The following ALDH3B1 variants were observed in gnomAD, a reference collection of about 807,000 sequenced individuals.
ALDH3B1 encodes aldehyde dehydrogenase 3 family member B1.
ALDH3B1 carries 37 observed loss-of-function variants against 46.2 expected under a neutral mutation model. The observed-to-expected ratio is 0.80, with a 90% CI of 0.62 to 1.05. ALDH3B1 has a LOEUF of 1.05. ALDH3B1 is among the 50% of genes least tolerant of loss of function. ALDH3B1 has a pLI of 0.00. For missense variants in ALDH3B1, 603 were observed against 665.5 expected (o/e 0.91, Z 1.03); for synonymous variants, 283 against 281.0 (o/e 1.01, Z -0.07).
At chr11:68,017,655 C>T (rs1157476511) in intron 2 of ALDH3B1, 1 of 152,204 alleles carries the variant, frequency 6.6e-6, no homozygotes, top group Non-Finnish European at 1.5e-5. Context: ...TTCGGGTCTC[C>T]TCACTCCTGC....
chr11:68,019,956 G>A (rs181770776), intron 6 of ALDH3B1, among the ~76,000 whole-genome samples, 160 bp downstream of exon 6: 18 of 152,214 alleles, frequency 1.2e-4, no homozygotes, highest in Non-Finnish European at 2.1e-4. Context: ...GACCCCTTAG[G>A]AAGGGATGGA....
rs1854667367 is a variant in ALDH3B1, at chr11:68,028,881, A to C, written c.*942A>C. 1 of 152,218 alleles carries C rather than the reference A, an allele frequency of 6.6e-6. No individual in the cohort carries two copies. Among genetic ancestry groups the C allele is most frequent in the African/African-American group, 2.4e-5 (1 of 41,426 alleles). 9.4% of individuals were successfully genotyped at this position (152,218 alleles called of 1,614,324 possible). A position where few individuals can be genotyped will look rare whatever the true frequency, so the allele number is the denominator to read the frequency against. The stretch of plus-strand genomic sequence containing the variant: ...CTCCCTTCCCTCCAGCCCATGCCAG[A>C]GGAGCTTGTAACTCTTTATCCTCAT... On this transcript the variant is annotated 3_prime_UTR_variant, in exon 10 of 10. Transcript: ENST00000342456.
chr11:68,021,392 A>G (rs990469243), intron 6 of ALDH3B1, 93 bp from the exon 7 acceptor site: 2 of 1,520,272 alleles, frequency 1.3e-6, no homozygotes, highest in Non-Finnish European at 1.8e-6. Flanking sequence ...CGCTGACTCC[A>G]CCACCTCTCC....
chr11:68,018,662 C>A (rs747052509), intron 3 of ALDH3B1, 25 bp downstream of exon 3: 4 of 1,553,140 alleles, frequency 2.6e-6, no homozygotes, highest in Non-Finnish European at 2.6e-6. Context: ...CTGAGGCGGG[C>A]AGGGGGCTCA....
Position 68,016,686 on chromosome 11 carries a change from T to C in ALDH3B1, c.162+1227T>C, listed in dbSNP as rs765894561. ...TGCCCCAGGGGCTGCCCCCGGCTCCTATTCTCTGGACAAAATATCTCCTCC... is the reference window on the plus strand; with the variant it reads ...TGCCCCAGGGGCTGCCCCCGGCTCCCATTCTCTGGACAAAATATCTCCTCC... On this transcript the variant is annotated intron_variant, in intron 2 of 9. Coordinates refer to ENST00000342456, the MANE Select transcript of ALDH3B1 (RefSeq NM_000694.4). The C allele has an allele frequency of 9.2e-4, 141 of 152,820 alleles. 1 individual carries two copies. The highest frequency in any genetic ancestry group is 4.9e-3 in the Admixed American group (75 of 15,294). 9.5% of individuals were successfully genotyped at this position (152,820 alleles called of 1,614,324 possible).
chr11:68,019,753 G>C lies in ALDH3B1; in HGVS notation c.519G>C (p.Thr173=), dbSNP rs369340202. 16 of 1,614,020 alleles carry C rather than the reference G, an allele frequency of 9.9e-6. No individual in the cohort carries two copies. The highest frequency in any genetic ancestry group is 2.2e-5 in the East Asian group (1 of 44,900). ...TGGTGCTGGGCGGGCCCCAGGAGAC[G>C]GGGCAGCTGCTAGAGCACAGGTTCG... ...FAVVLGGPQE[T]GQLLEHRFDY... The change falls in exon 6 of 10, where the codon ACG becomes ACC. Residue 173 remains threonine, a synonymous_variant. Transcript: ENST00000342456.
chr11:68,014,710 G>T (rs1590771967), intron 1 of ALDH3B1, among the ~76,000 whole-genome samples: 3 of 152,212 alleles, frequency 2.0e-5, no homozygotes, highest in African/African-American at 7.2e-5. Flanking sequence ...AGAGGCTATT[G>T]CCCACTGGCC....
chr11:68,021,873 T>G lies in ALDH3B1; in HGVS notation c.949+2T>G, dbSNP rs1468500042. The G allele has an allele frequency of 6.3e-7, 1 of 1,589,846 alleles. No homozygotes were observed. The highest frequency in any genetic ancestry group is 1.7e-5 in the Admixed American group (1 of 58,440). ...GCGATGAGAGCGATCGCTACATCGG[T>G]GAGTCCTGCTGCCCCTACCACAGCC... On this transcript the variant is annotated splice_donor_variant, in intron 7 of 9. Coordinates refer to ENST00000342456, the MANE Select transcript of ALDH3B1 (RefSeq NM_000694.4). LOFTEE classifies it high-confidence loss of function.
rs555223880 is a variant in ALDH3B1 at position 68,022,596 on chromosome 11, C to A, written c.951C>A (p.Ala317=). 5 of 1,613,536 alleles carry A rather than the reference C, an allele frequency of 3.1e-6. No homozygotes were observed. The Admixed American group carries it at 5.0e-5, about 16-fold the overall frequency. ...GQSDESDRYI[A]PTVLVDVQEM... ...CTGAGCTGTCTCTGGTGCCTGCAGCCCCCACGGTGCTGGTGGATGTGCAGG... is the reference window on the plus strand; with the variant it reads ...CTGAGCTGTCTCTGGTGCCTGCAGCACCCACGGTGCTGGTGGATGTGCAGG... Residue 317 remains alanine (A), a splice_region_variant and synonymous_variant, in exon 8 of 10, where the codon GCC becomes GCA. Transcript: ENST00000342456.
chr11:68,014,842 T>C (rs1300778374), intron 1 of ALDH3B1: 1 of 157,204 alleles, frequency 6.4e-6, no homozygotes, highest in East Asian at 1.9e-4. Flanking sequence ...ATCAAGCTCC[T>C]GCTTACACCA....
intron 2 of ALDH3B1, chr11:68,016,747 C>T (rs191083866): frequency 6.6e-6 from 1 of 152,468 alleles, no homozygotes; most frequent in Non-Finnish European, 1.5e-5. Flanking sequence ...AGACCTTCCC[C>T]CAGCCCATTG....
intron 1 of ALDH3B1, among the ~76,000 whole-genome samples, chr11:68,013,512 C>A (rs140841852): frequency 6.6e-6 from 1 of 152,174 alleles, no homozygotes; most frequent in Non-Finnish European, 1.5e-5. Context: ...CAGGAGAGTG[C>A]GGAGTTGAGG....
chr11:68,019,624 G>T (rs1857438962), intron 5 of ALDH3B1, 91 bp from the exon 6 acceptor site: 5 of 1,423,260 alleles, frequency 3.5e-6, no homozygotes, highest in Non-Finnish European at 4.9e-6. Context: ...AGGCGGGGTG[G>T]AGGCAGGGCA....
At chr11:68,021,073 C>T (rs969867321) in intron 6 of ALDH3B1, among the ~76,000 whole-genome samples, 2 of 152,162 alleles carry the variant, frequency 1.3e-5, no homozygotes, top group Admixed American at 1.3e-4. Context: ...ACCTGAATGC[C>T]GTAGACAGAG....
rs546784642 is a variant in ALDH3B1, at chr11:68,028,074, G to C, written c.*135G>C. On this transcript the variant is annotated 3_prime_UTR_variant, in exon 10 of 10. Coordinates refer to ENST00000342456, the MANE Select transcript of ALDH3B1 (RefSeq NM_000694.4). ...CAGGGCACCCCTCAAAGCAGCGCCT[G>C]CCTCCTCCCTCCTGGGTCTTCCCTC... 8.5e-7 allele frequency: 1 copy of C among 1,176,248 alleles called. No individual in the cohort carries two copies. The highest frequency in any genetic ancestry group is 1.5e-5 in the African/African-American group (1 of 66,840). The allele number at this position is 1,176,248 out of a possible 1,614,324, so 72.9% of individuals were successfully genotyped here.
rs192294137 is a variant in ALDH3B1, at chr11:68,029,184, A to G, written c.*1245A>G. 6.6e-6 allele frequency: 1 copy of G among 152,168 alleles called. No homozygotes were observed. Among genetic ancestry groups the G allele is most frequent in the East Asian group, 1.9e-4 (1 of 5,170 alleles). 9.4% of individuals were successfully genotyped at this position (152,168 alleles called of 1,614,324 possible). A position where few individuals can be genotyped will look rare whatever the true frequency, so the allele number is the denominator to read the frequency against. On this transcript the variant is annotated 3_prime_UTR_variant, in exon 10 of 10. Coordinates refer to ENST00000342456, the MANE Select transcript of ALDH3B1 (RefSeq NM_000694.4). ...TCTTTTTAGACTATATCAACCTACA[A>G]CTTTAGTCGGGAAGAGGGACAGGGG...
chr11:68,025,673 T>G (rs1245017417), intron 8 of ALDH3B1, among the ~76,000 whole-genome samples: 1 of 152,182 alleles, frequency 6.6e-6, no homozygotes. Context: ...GCCTCCCTAC[T>G]GTCCAGTACT....
intron 8 of ALDH3B1, among the ~76,000 whole-genome samples, chr11:68,023,766 G>A (rs1466918836): frequency 1.3e-5 from 2 of 152,006 alleles, no homozygotes; most frequent in Non-Finnish European, 2.9e-5. Context: ...GCAGGGCTGG[G>A]CGCGGTGGCT....
chr11:68,010,658 C>G (rs1857210818), intron 1 of ALDH3B1, among the ~76,000 whole-genome samples: 1 of 152,192 alleles, frequency 6.6e-6, no homozygotes, highest in Admixed American at 6.5e-5. Flanking sequence ...GGGTTGCCAC[C>G]GCCTCCTTTT....
Sources: allele counts gnomAD v4.1 joint callset (sites outside exome capture counted in the v4.1 genomes callset), GRCh38; gene constraint gnomAD v4.1.1; transcripts MANE v1.5; gene names NCBI Gene and HGNC (gene_info 2026-07-23, HGNC 2026-07-21).